Variants in SH3BGRL2 observed in about 807,000 individuals in gnomAD.
SH3BGRL2 encodes the protein SH3 domain-binding glutamic acid-rich-like protein 2.
SH3BGRL2 carries 21 observed loss-of-function variants against 14.8 expected under a neutral mutation model. The observed-to-expected ratio is 1.42, with a 90% CI of 1.01 to 2.05. The LOEUF is 2.05. SH3BGRL2 is among the 30% of genes most tolerant of loss of function. The pLI is 0.00. For synonymous variants in SH3BGRL2, 50 were observed against 47.8 expected (o/e 1.05, Z -0.19); for missense variants, 147 against 130.8 (o/e 1.12, Z -0.61).
In SH3BGRL2 at chr6:79,701,938, A is replaced by G. The variant is rs1305883562; in HGVS notation, c.*2429A>G. 6.6e-6 allele frequency: 1 copy of G among 152,660 alleles called. No homozygotes were observed. Among genetic ancestry groups the G allele is most frequent in the Non-Finnish European group, 1.5e-5 (1 of 68,038 alleles). 9.5% of individuals were successfully genotyped at this position (152,660 alleles called of 1,614,324 possible). A position where few individuals can be genotyped will look rare whatever the true frequency, so the allele number is the denominator to read the frequency against. ...TAGGCATAGATTTCATATCAAGGGC[A>G]TTTCAAGACAGAATTTTTATTTCCT... On this transcript the variant is annotated 3_prime_UTR_variant, in exon 4 of 4. Transcript: ENST00000369838.
chr6:79,585,438 TAAATA>T, the SH3BGRL2 span, among the ~76,000 whole-genome samples: 2 of 152,230 alleles, frequency 1.3e-5, no homozygotes, highest in African/African-American at 2.4e-5. Flanking sequence ...AAATTATTTG[TAAATA>T]AAATAAGAGG....
At chr6:79,669,801 C>A (rs1232678569) in intron 1 of SH3BGRL2, among the ~76,000 whole-genome samples, 1 of 152,104 alleles carries the variant, frequency 6.6e-6, no homozygotes, top group African/African-American at 2.4e-5. Context: ...TATCTACAGT[C>A]TGTCAGATGC....
intron 1 of SH3BGRL2, among the ~76,000 whole-genome samples, chr6:79,671,447 CTCAAA>C (rs1769771842): frequency 6.6e-6 from 1 of 152,144 alleles, no homozygotes; most frequent in Non-Finnish European, 1.5e-5. Context: ...GAAACTCTGT[CTCAAA>C]ACAAAACAAA....
At chr6:79,694,123 G>T (rs1487746422) in intron 2 of SH3BGRL2, among the ~76,000 whole-genome samples, 1 of 152,184 alleles carries the variant, frequency 6.6e-6, no homozygotes. Context: ...CAGAAGAGAG[G>T]TCAGGGCAAG....
At chr6:79,572,605 A>G in the SH3BGRL2 span, among the ~76,000 whole-genome samples, 5 of 152,212 alleles carry the variant, frequency 3.3e-5, no homozygotes, top group African/African-American at 1.2e-4. Flanking sequence ...AGCTGGGAGT[A>G]CAGGCGCCCG....
chr6:79,628,671 C>T (rs186757286), upstream of SH3BGRL2, among the ~76,000 whole-genome samples: 37 of 152,220 alleles, frequency 2.4e-4, no homozygotes, highest in African/African-American at 8.4e-4. Context: ...AACTCCATAC[C>T]GGCCTTGCTG....
At position 79,703,177 on chromosome 6, in the gene SH3BGRL2, A is replaced by G. The variant is rs1770501111; in HGVS notation, c.*3668A>G. ...TTCTGTCAGCATGGATCAAGCCCCT[A>G]AAATGTGGTAAGTGTTGTCAGAGCA... On this transcript the variant is annotated 3_prime_UTR_variant, in exon 4 of 4. Transcript: ENST00000369838. 2.0e-5 allele frequency: 3 copies of G among 152,284 alleles called. No individual in the cohort carries two copies. In the South Asian group the frequency reaches 6.2e-4, roughly 32 times the overall value. 9.4% of individuals were successfully genotyped at this position (152,284 alleles called of 1,614,324 possible).
chr6:79,586,597 G>A, the SH3BGRL2 span, among the ~76,000 whole-genome samples: 1 of 152,144 alleles, frequency 6.6e-6, no homozygotes, highest in Non-Finnish European at 1.5e-5. Flanking sequence ...TACATCTACA[G>A]TGACTCTGAA....
the SH3BGRL2 span, among the ~76,000 whole-genome samples, chr6:79,555,224 C>A: frequency 6.6e-6 from 1 of 151,908 alleles, no homozygotes; most frequent in Non-Finnish European, 1.5e-5. Context: ...CTGAGGCAGG[C>A]GGATCACCTG....
At chr6:79,677,392 G>C (rs1769906504) in intron 2 of SH3BGRL2, among the ~76,000 whole-genome samples, 1 of 152,172 alleles carries the variant, frequency 6.6e-6, no homozygotes, top group Non-Finnish European at 1.5e-5. Context: ...TTTAGCAGTT[G>C]TATATCTTGC....
chr6:79,619,565 G>C, the SH3BGRL2 span, among the ~76,000 whole-genome samples: 1 of 152,200 alleles, frequency 6.6e-6, no homozygotes, highest in Non-Finnish European at 1.5e-5. Flanking sequence ...AGGCTTTCCA[G>C]ATGGGCAGAG....
the SH3BGRL2 span, among the ~76,000 whole-genome samples, chr6:79,603,249 A>G: frequency 1.3e-5 from 2 of 152,174 alleles, no homozygotes; most frequent in African/African-American, 4.8e-5. Flanking sequence ...CTTTCTGTCT[A>G]CCTCCAGGAG....
the SH3BGRL2 span, among the ~76,000 whole-genome samples, chr6:79,580,184 C>T: frequency 6.6e-6 from 1 of 152,106 alleles, no homozygotes. Flanking sequence ...CTTAGACTCC[C>T]ACACAATAAT....
chr6:79,585,779 C>CT, the SH3BGRL2 span, among the ~76,000 whole-genome samples: 3 of 149,492 alleles, frequency 2.0e-5, no homozygotes, highest in African/African-American at 7.4e-5. Context: ...TTTTTTTTTC[C>CT]TTTTTCTTTT....
the SH3BGRL2 span, among the ~76,000 whole-genome samples, chr6:79,603,384 G>A: frequency 6.6e-6 from 1 of 152,320 alleles, no homozygotes; most frequent in East Asian, 1.9e-4. Context: ...ACGAGGCAGT[G>A]TCACAGCAGT....
chr6:79,591,405 A>ATTTTG, the SH3BGRL2 span, among the ~76,000 whole-genome samples: 65 of 151,860 alleles, frequency 4.3e-4, no homozygotes, highest in African/African-American at 1.2e-3. Context: ...TATCTTCTGA[A>ATTTTG]TTTTGTTTTG....
At chr6:79,581,037 A>G in the SH3BGRL2 span, among the ~76,000 whole-genome samples, 1 of 152,230 alleles carries the variant, frequency 6.6e-6, no homozygotes, top group African/African-American at 2.4e-5. Context: ...TAGAAAATCT[A>G]CAAGAAATGG....
chr6:79,655,109 A>G (rs72905752), intron 1 of SH3BGRL2, among the ~76,000 whole-genome samples: 3,705 of 152,242 alleles, frequency 0.024, 67 homozygotes, highest in Admixed American at 0.039. Flanking sequence ...CACCCAGTCT[A>G]GAATGCAGTA....
In SH3BGRL2 at chr6:79,699,760, C is replaced by A. The variant is rs79087700; in HGVS notation, c.*251C>A. 5 of 441,308 alleles carry A rather than the reference C, an allele frequency of 1.1e-5. No homozygotes were observed. The highest frequency in any genetic ancestry group is 1.2e-3 in the Middle Eastern group (2 of 1,738). 27.3% of individuals were successfully genotyped at this position (441,308 alleles called of 1,614,324 possible). On this transcript the variant is annotated 3_prime_UTR_variant, in exon 4 of 4. Transcript: ENST00000369838. ...AGTTGCCTCACTCACCTGGAAATAC[C>A]GTCACCTGTTACAGGTGTACTTTCT...
Sources: allele counts gnomAD v4.1 joint callset (sites outside exome capture counted in the v4.1 genomes callset), GRCh38; gene constraint gnomAD v4.1.1; transcripts MANE v1.5; gene names NCBI Gene and HGNC (gene_info 2026-07-23, HGNC 2026-07-21).